Variants in ACOT11 observed in about 807,000 individuals in gnomAD.
ACOT11 encodes acyl-coenzyme A thioesterase 11.
A neutral mutation model predicts 77.5 loss-of-function variants in ACOT11; 69 were observed. The observed-to-expected ratio is 0.89, with a 90% CI of 0.73 to 1.09. The LOEUF (loss-of-function observed/expected upper bound fraction) is 1.09. Among genes scored for constraint, ACOT11 ranks in the 50% least tolerant of loss-of-function variants. ACOT11 has a pLI of 0.00. For synonymous variants in ACOT11, 279 were observed against 313.0 expected, an observed-to-expected ratio of 0.89 and a Z score of 1.15; for missense variants, 766 against 813.7, an observed-to-expected ratio of 0.94 and a Z score of 0.71.
chr1:54,565,685 G>A (rs1462369964), intron 1 of ACOT11, among the ~76,000 whole-genome samples: 1 of 152,158 alleles, frequency 6.6e-6, no homozygotes, highest in African/African-American at 2.4e-5. Flanking sequence ...ATAGATTTCT[G>A]AAAAGGGATC....
rs1319921184 is a variant in ACOT11 at position 54,625,520 on chromosome 1, T to C, written c.1630-5214T>C. 6.6e-5 allele frequency among the ~76,000 whole-genome samples: 10 copies of C among 152,336 alleles called. 1 individual carries two copies. In the South Asian group the frequency reaches 1.7e-3, roughly 25 times the overall value. ...TGGAAGGGTGTGTTAACTGGGATAT[T>C]ATGATAGCCGCAAAAAGTTAACAGA... On this transcript the variant is annotated intron_variant, in intron 15 of 16. Coordinates refer to the ACOT11 transcript ENST00000371316.
chr1:54,550,084 A>T (rs1439129694), intron 1 of ACOT11, among the ~76,000 whole-genome samples: 4 of 152,196 alleles, frequency 2.6e-5, no homozygotes, highest in African/African-American at 9.7e-5. Context: ...ACCCTCACAG[A>T]GGGTAAGTGA....
chr1:54,604,439 C>T lies in ACOT11; in HGVS notation c.1236+10C>T, dbSNP rs773944535. 1.2e-6 allele frequency: 2 copies of T among 1,613,022 alleles called. No individual in the cohort carries two copies. The highest frequency in any genetic ancestry group is 1.7e-5 in the Admixed American group (1 of 59,968). On this transcript the variant is annotated intron_variant, in intron 12 of 15. Coordinates refer to ENST00000343744, the MANE Select transcript of ACOT11 (RefSeq NM_147161.4). ...CTCGGAGATCAGTCAGGTAGCTGAC[C>T]CCACCCACCCAATTTTCCTTTCTCA...
chr1:54,607,384 T>C lies in ACOT11; in HGVS notation c.1502+119T>C, dbSNP rs1644040158. On this transcript the variant is annotated intron_variant, in intron 14 of 15. Transcript: ENST00000343744. The surrounding 1 kb of genome is among the most constrained non-coding windows in gnomAD (Gnocchi z 4.5). ...CCAGAGCTCTGCTTCCCATTGGCTG[T>C]GGGGCCCCAGGCACCACTAGACTTT... The C allele has an allele frequency of 6.6e-7, 1 of 1,504,598 alleles. No homozygotes were observed. The highest frequency in any genetic ancestry group is 9.0e-7 in the Non-Finnish European group (1 of 1,113,174). The allele number at this position is 1,504,598 out of a possible 1,614,324, so 93.2% of individuals were successfully genotyped here. A position where few individuals can be genotyped will look rare whatever the true frequency, so the allele number is the denominator to read the frequency against.
intron 1 of ACOT11, among the ~76,000 whole-genome samples, chr1:54,557,833 A>T (rs1198052156): frequency 2.7e-4 from 41 of 152,094 alleles, no homozygotes. Flanking sequence ...GGACAATTTA[A>T]CTTCCTTCTT....
At chr1:54,555,831 G>A (rs533193607) in intron 1 of ACOT11, among the ~76,000 whole-genome samples, 16 of 151,806 alleles carry the variant, frequency 1.1e-4, no homozygotes, top group African/African-American at 3.1e-4. Context: ...TGCAACCTCC[G>A]CCTCCCAGGT....
At chr1:54,572,506 G>A (rs1653958484) in intron 1 of ACOT11, among the ~76,000 whole-genome samples, 2 of 152,158 alleles carry the variant, frequency 1.3e-5, no homozygotes, top group South Asian at 4.1e-4. Context: ...AGGGCCTGTG[G>A]CATGGGGGTG....
At position 54,607,074 on chromosome 1, in the gene ACOT11, C is replaced by G. The variant is rs1644034637; in HGVS notation, c.1371-60C>G. On this transcript the variant is annotated intron_variant, in intron 13 of 15. Coordinates refer to ENST00000343744, the MANE Select transcript of ACOT11 (RefSeq NM_147161.4). The surrounding 1 kb of genome is among the most constrained non-coding windows in gnomAD (Gnocchi z 4.5). ...GCAGTGTGGCAGGGCCCGGGCAGAC[C>G]CGCTGCTTGCATGGGAGCTGGAAGC... 1.2e-6 allele frequency: 2 copies of G among 1,606,896 alleles called. No homozygotes were observed.
At chr1:54,550,908 G>T (rs1294786343) in intron 1 of ACOT11, among the ~76,000 whole-genome samples, 1 of 151,708 alleles carries the variant, frequency 6.6e-6, no homozygotes, top group Non-Finnish European at 1.5e-5. Context: ...GGGAGGCCGA[G>T]ACGGGTGGAT....
At chr1:54,622,012 G>A (rs1216451010) in intron 15 of ACOT11, among the ~76,000 whole-genome samples, 2 of 152,220 alleles carry the variant, frequency 1.3e-5, no homozygotes, top group Non-Finnish European at 2.9e-5. Flanking sequence ...AGTGGCTCAT[G>A]CCTGTAATCC....
At chr1:54,605,993 T>C (rs1644019627) in intron 13 of ACOT11, among the ~76,000 whole-genome samples, 1 of 152,208 alleles carries the variant, frequency 6.6e-6, no homozygotes, top group Non-Finnish European at 1.5e-5. Context: ...GTTTGGAAAT[T>C]CAGTCCGCTG....
intron 1 of ACOT11, among the ~76,000 whole-genome samples, chr1:54,559,392 C>A (rs1225485169): frequency 5.9e-5 from 9 of 152,184 alleles, no homozygotes; most frequent in Non-Finnish European, 1.3e-4. Flanking sequence ...ATCCCGGGAG[C>A]CTTCGGAGAG....
At chr1:54,626,512 C>T (rs1479967000) in intron 15 of ACOT11, among the ~76,000 whole-genome samples, 1 of 79,472 alleles carries the variant, frequency 1.3e-5, no homozygotes, top group African/African-American at 3.3e-5. Context: ...CCAAATGACT[C>T]TCATGTCCCC....
intron 1 of ACOT11, among the ~76,000 whole-genome samples, chr1:54,549,426 G>A (rs557288599): frequency 6.6e-6 from 1 of 152,024 alleles, no homozygotes; most frequent in African/African-American, 2.4e-5. Flanking sequence ...TCCCACTTTT[G>A]TTCTCTCCTC....
At chr1:54,615,130 G>C (rs1644159534), downstream of ACOT11, among the ~76,000 whole-genome samples, 1 of 152,168 alleles carries the variant, frequency 6.6e-6, no homozygotes, top group Non-Finnish European at 1.5e-5. Context: ...ACTTGGGCTT[G>C]TGGCTGCTGC....
At chr1:54,597,647 C>A in intron 7 of ACOT11, 1 of 577,736 alleles carries the variant, frequency 1.7e-6, no homozygotes, top group Non-Finnish European at 3.0e-6. Flanking sequence ...GCACTAGATC[C>A]TCCCCTTGAT....
Position 54,594,002 on chromosome 1 carries a change from C to T in ACOT11, c.434C>T (p.Ala145Val), listed in dbSNP as rs755436167. The T allele has an allele frequency of 6.2e-7, 1 of 1,614,150 alleles. No homozygotes were observed. The highest frequency in any genetic ancestry group is 2.2e-5 in the East Asian group (1 of 44,888). The change falls in exon 5 of 16, where the codon GCC (alanine) becomes GTC (valine). Residue 145 changes from alanine to valine, a missense_variant. Coordinates refer to ENST00000343744, the MANE Select transcript of ACOT11 (RefSeq NM_147161.4). ...GAGAAGCAGTGGAATGTGTGCAAGGCCTTGGCCACCTTCGTGGCCCGCCGA... is the reference window on the plus strand; with the variant it reads ...GAGAAGCAGTGGAATGTGTGCAAGGTCTTGGCCACCTTCGTGGCCCGCCGA... ...CSEKQWNVCKALATFVARREI... is the reference protein window; with the variant it reads ...CSEKQWNVCKVLATFVARREI...
At position 54,604,440 on chromosome 1, in the gene ACOT11, C is replaced by A; in HGVS notation, c.1236+11C>A. 1 of 1,613,200 alleles carries A rather than the reference C, an allele frequency of 6.2e-7. No homozygotes were observed. The highest frequency in any genetic ancestry group is 8.5e-7 in the Non-Finnish European group (1 of 1,179,366). On this transcript the variant is annotated intron_variant, in intron 12 of 15. Transcript: ENST00000343744. ...TCGGAGATCAGTCAGGTAGCTGACC[C>A]CACCCACCCAATTTTCCTTTCTCAT...
At chr1:54,610,578 G>A, downstream of ACOT11, 6 of 1,604,948 alleles carry the variant, frequency 3.7e-6, no homozygotes, top group Non-Finnish European at 5.1e-6. Flanking sequence ...AAATCGCCAA[G>A]GTGAAGTGGC....
Sources: gnomAD v4.1 joint callset for allele counts (sites outside exome capture counted in the v4.1 genomes callset) on GRCh38, gnomAD v4.1.1 for gene constraint, Gnocchi (gnomAD v3.1) non-coding constraint, MANE v1.5 for transcripts, NCBI Gene and HGNC (gene_info 2026-07-23, HGNC 2026-07-21) for gene names.